The following ZNF469 variants were observed in gnomAD, a reference collection of about 807,000 sequenced individuals.
ZNF469 encodes zinc finger protein 469.
Under a neutral mutation model 1.0 loss-of-function variants are expected in ZNF469, and 1 was observed. That is an observed-to-expected ratio of 1.00 (90% CI 0.35 to 4.73). ZNF469 has a LOEUF of 4.73. Among genes scored for constraint, ZNF469 ranks in the 30% most tolerant of loss-of-function variants. The pLI is 0.16. For synonymous variants in ZNF469, 2,703 were observed against 2,363.4 expected, an observed-to-expected ratio of 1.14 and a Z score of -4.17; for missense variants, 6,100 against 5,356.3, an observed-to-expected ratio of 1.14 and a Z score of -4.33.
rs1187759364 is a variant in ZNF469 at position 88,437,995 on chromosome 16, C to T, written c.10525C>T (p.Leu3509Phe). 6.5e-7 allele frequency: 1 copy of T among 1,549,154 alleles called. No homozygotes were observed. The change falls in exon 3 of 3, where the codon CTC becomes TTC. Residue 3509 changes from leucine (L) to phenylalanine (F), a missense_variant. By Grantham distance (22) the Leu-to-Phe change is conservative. Coordinates refer to ENST00000565624, the MANE Select transcript of ZNF469 (RefSeq NM_001367624.2). ...GAGTGAGGGCTCTCTCCCGGCCCTG[C>T]TCCACCTGTGTTCGGAGGTGGCTCC... The part of the protein sequence containing the change: ...ILSEGSLPAL[L>F]HLCSEVAPST...
the ZNF469 span, among the ~76,000 whole-genome samples, chr16:88,259,201 G>A: frequency 3.7e-4 from 56 of 152,280 alleles, no homozygotes; most frequent in African/African-American, 1.2e-3. The surrounding 1 kb of genome is among the most constrained non-coding windows in gnomAD (Gnocchi z 4.1). Context: ...GCCACCCACC[G>A]GCTTGTGAGT....
chr16:88,403,588 G>T (rs1266370721), intron 1 of ZNF469, among the ~76,000 whole-genome samples: 1 of 152,238 alleles, frequency 6.6e-6, no homozygotes, highest in Non-Finnish European at 1.5e-5. Context: ...TGGGACCAGG[G>T]GTGGGCGAGG....
the ZNF469 span, among the ~76,000 whole-genome samples, chr16:88,167,837 G>A: frequency 2.0e-5 from 3 of 152,250 alleles, no homozygotes; most frequent in Non-Finnish European, 4.4e-5. Flanking sequence ...TCCCCAGGAC[G>A]GACCGCTCCT....
At position 88,427,796 on chromosome 16, in the gene ZNF469, C is replaced by A. The variant is rs1367488672; in HGVS notation, c.326C>A (p.Ala109Glu). 6.5e-7 allele frequency: 1 copy of A among 1,547,396 alleles called. No individual in the cohort carries two copies. Among genetic ancestry groups the A allele is most frequent in the East Asian group, 2.4e-5 (1 of 40,900 alleles). ...RSPLQAPSRLAGRAEGSPPQR... is the reference protein window; with the variant it reads ...RSPLQAPSRLEGRAEGSPPQR... The stretch of plus-strand genomic sequence containing the variant: ...CCCTTGCAGGCTCCCTCAAGGCTGG[C>A]GGGCAGGGCAGAGGGCAGCCCCCCA... The change falls in exon 3 of 3, where the codon GCG becomes GAG. Residue 109 changes from alanine (A) to glutamate (E), a missense_variant. Physicochemically the swap from Ala to Glu is moderately radical, Grantham distance 107. Transcript: ENST00000565624.
At chr16:88,137,729 G>C in the ZNF469 span, among the ~76,000 whole-genome samples, 20 of 152,348 alleles carry the variant, frequency 1.3e-4, no homozygotes, top group South Asian at 3.9e-3. Context: ...GGAAGGGAAA[G>C]ACAGCCAAGG....
chr16:88,318,355 GC>G, the ZNF469 span, among the ~76,000 whole-genome samples: 232 of 152,298 alleles, frequency 1.5e-3, 3 homozygotes, highest in East Asian at 0.038. Context: ...TGGAGACGCT[GC>G]CCCCCCTTCC....
At chr16:88,331,183 CCGT>C in the ZNF469 span, among the ~76,000 whole-genome samples, 1 of 147,954 alleles carries the variant, frequency 6.8e-6, no homozygotes, top group Non-Finnish European at 1.5e-5. Flanking sequence ...ACCATCACCA[CCGT>C]CGTCACCATC....
chr16:88,439,125 A>G lies in ZNF469; in HGVS notation c.11655A>G (p.Thr3885=). The change falls in exon 3 of 3, where the codon ACA becomes ACG. Residue 3885 remains threonine, a synonymous_variant. Transcript: ENST00000565624. ...AGCGGAAGGCAGAGCCGGGCCACAC[A>G]CAGAGGAAGGACAGACTGGGCAAGG... The part of the protein sequence containing the change: ...SEQRKAEPGH[T]QRKDRLGKAF... 2 of 1,550,894 alleles carry G rather than the reference A, an allele frequency of 1.3e-6. No homozygotes were observed. Among genetic ancestry groups the G allele is most frequent in the Admixed American group, 2.0e-5 (1 of 51,012 alleles).
At position 88,435,892 on chromosome 16, in the gene ZNF469, T is replaced by A; in HGVS notation, c.8422T>A (p.Ser2808Thr). 1 of 1,549,998 alleles carries A rather than the reference T, an allele frequency of 6.5e-7. No homozygotes were observed. Among genetic ancestry groups the A allele is most frequent in the South Asian group, 1.2e-5 (1 of 84,062 alleles). ...CCTGGGTTTTCCCGAGACTTCCAGC[T>A]CTCCGGCGGACAGCACCACCAGCAG... ...GPLGFPETSS[S>T]PADSTTSSCL... The change falls in exon 3 of 3, where the codon TCT (serine) becomes ACT (threonine). Residue 2808 changes from serine (S) to threonine (T), a missense_variant. Physicochemically the swap from Ser to Thr is moderately conservative, Grantham distance 58. Coordinates refer to ENST00000565624, the MANE Select transcript of ZNF469 (RefSeq NM_001367624.2).
chr16:88,372,179 C>T, the ZNF469 span, among the ~76,000 whole-genome samples: 1 of 152,030 alleles, frequency 6.6e-6, no homozygotes, highest in African/African-American at 2.4e-5. Flanking sequence ...ATCACCATCA[C>T]TACCATTACC....
the ZNF469 span, among the ~76,000 whole-genome samples, chr16:88,273,804 A>ATTTTATTTT: frequency 7.4e-6 from 1 of 135,268 alleles, no homozygotes; most frequent in African/African-American, 2.7e-5. Flanking sequence ...ACTGTGGAAT[A>ATTTTATTTT]TTTTTTTTTT....
chr16:88,385,642 CA>C (rs66861611), intron 1 of ZNF469, among the ~76,000 whole-genome samples: 42,597 of 133,058 alleles, frequency 0.32, 6,537 homozygotes, highest in African/African-American at 0.44. Flanking sequence ...GACTCTGTCT[CA>C]AAAAAAAAAA....
At chr16:88,103,124 C>T in the ZNF469 span, among the ~76,000 whole-genome samples, 3 of 152,200 alleles carry the variant, frequency 2.0e-5, no homozygotes, top group Non-Finnish European at 4.4e-5. Flanking sequence ...CGGTTTCTGG[C>T]GGACGCCCCT....
At chr16:88,107,225 A>G in the ZNF469 span, among the ~76,000 whole-genome samples, 1 of 152,204 alleles carries the variant, frequency 6.6e-6, no homozygotes, top group Non-Finnish European at 1.5e-5. Flanking sequence ...ACACTGCTAT[A>G]AAGAACTGCC....
At position 88,440,595 on chromosome 16, in the gene ZNF469, G is replaced by C. The variant is rs1906929852; in HGVS notation, c.*1263G>C. 6.6e-6 allele frequency: 1 copy of C among 152,148 alleles called. No homozygotes were observed. Among genetic ancestry groups the C allele is most frequent in the African/African-American group, 2.4e-5 (1 of 41,424 alleles). 9.4% of individuals were successfully genotyped at this position (152,148 alleles called of 1,614,324 possible). ...AGTTTTTATTTTGATATTTGAAAGA[G>C]ACCAAATCAGGCCCAGACCGCCTCT... On this transcript the variant is annotated 3_prime_UTR_variant, in exon 3 of 3. Coordinates refer to ENST00000565624, the MANE Select transcript of ZNF469 (RefSeq NM_001367624.2).
At chr16:88,110,339 G>T in the ZNF469 span, among the ~76,000 whole-genome samples, 1 of 152,246 alleles carries the variant, frequency 6.6e-6, no homozygotes, top group Non-Finnish European at 1.5e-5. Context: ...CTGCCAGTCC[G>T]CTTGGAGAAT....
the ZNF469 span, among the ~76,000 whole-genome samples, chr16:88,119,887 G>T: frequency 6.6e-6 from 1 of 152,234 alleles, no homozygotes; most frequent in Non-Finnish European, 1.5e-5. Context: ...CTTGGGACAG[G>T]ATGGTTCAGT....
chr16:88,341,718 G>T, the ZNF469 span, among the ~76,000 whole-genome samples: 1 of 152,188 alleles, frequency 6.6e-6, no homozygotes, highest in African/African-American at 2.4e-5. Context: ...GAGGCAGGTG[G>T]TGCAGCGTCC....
chr16:88,215,627 TG>T, the ZNF469 span, among the ~76,000 whole-genome samples: 1 of 152,024 alleles, frequency 6.6e-6, no homozygotes, highest in Non-Finnish European at 1.5e-5. Context: ...TGACCTCAGA[TG>T]ATCTGCCCAC....
Sources: allele counts gnomAD v4.1 joint callset (sites outside exome capture counted in the v4.1 genomes callset), GRCh38; gene constraint gnomAD v4.1.1; non-coding constraint Gnocchi (gnomAD v3.1); transcripts MANE v1.5; gene names NCBI Gene and HGNC (gene_info 2026-07-23, HGNC 2026-07-21).